The following GOLM1 variants were observed in gnomAD, a reference collection of about 807,000 sequenced individuals.
GOLM1 encodes the protein epididymis luminal protein 46.
A neutral mutation model predicts 50.5 loss-of-function variants in GOLM1; 31 were observed. The observed-to-expected ratio is 0.61, with a 90% CI of 0.46 to 0.83. The LOEUF is 0.83. Among genes scored for constraint, GOLM1 ranks in the 40% least tolerant of loss-of-function variants. GOLM1 has a pLI of 0.00. For synonymous variants in GOLM1, 178 were observed against 192.8 expected, an observed-to-expected ratio of 0.92 and a Z score of 0.64; for missense variants, 491 against 501.3, an observed-to-expected ratio of 0.98 and a Z score of 0.20.
chr9:86,089,536 G>A (rs575309242), intron 1 of GOLM1, among the ~76,000 whole-genome samples: 3 of 151,646 alleles, frequency 2.0e-5, no homozygotes, highest in Admixed American at 6.6e-5. Flanking sequence ...CCTTTCTTCC[G>A]CTTGACCGAT....
At chr9:86,048,285 T>G (rs1388331132) in intron 4 of GOLM1, among the ~76,000 whole-genome samples, 1 of 152,068 alleles carries the variant, frequency 6.6e-6, no homozygotes, top group Non-Finnish European at 1.5e-5. Context: ...GTTGGACATT[T>G]GGGTTGATTC....
chr9:86,084,397 G>C (rs929345633), intron 1 of GOLM1, among the ~76,000 whole-genome samples: 15 of 152,228 alleles, frequency 9.9e-5, no homozygotes, highest in African/African-American at 3.6e-4. Context: ...CATACCCCCT[G>C]ATATGGTGCA....
intron 6 of GOLM1, 42 bp downstream of exon 6, chr9:86,040,697 G>A: frequency 1.3e-6 from 2 of 1,586,774 alleles, no homozygotes; most frequent in Non-Finnish European, 1.7e-6. Context: ...CCTGAAGATA[G>A]GGGTACCTTC....
intron 4 of GOLM1, 88 bp from the exon 5 acceptor site, chr9:86,046,660 T>A: frequency 1.3e-6 from 1 of 782,952 alleles, no homozygotes; most frequent in East Asian, 2.7e-5. Context: ...GACTCACACA[T>A]CAGACCATAA....
intron 7 of GOLM1, 43 bp downstream of exon 7, chr9:86,036,305 C>T (rs756228101): frequency 3.7e-6 from 6 of 1,605,632 alleles, no homozygotes; most frequent in Non-Finnish European, 5.1e-6. Context: ...TCTGATGGGG[C>T]TCTGGAGAGC....
chr9:86,029,104 G>A (rs1416153286), intron 9 of GOLM1, among the ~76,000 whole-genome samples: 12 of 152,136 alleles, frequency 7.9e-5, no homozygotes, highest in East Asian at 3.9e-4. Context: ...TGATCCGCCC[G>A]CCTTGGCCTC....
At chr9:86,084,491 C>T (rs928285201) in intron 1 of GOLM1, among the ~76,000 whole-genome samples, 3 of 152,058 alleles carry the variant, frequency 2.0e-5, no homozygotes, top group Admixed American at 6.6e-5. Flanking sequence ...AGGAAGTCAA[C>T]GCGTCAGACA....
intron 1 of GOLM1, chr9:86,079,979 C>A: frequency 6.6e-6 from 1 of 152,248 alleles, no homozygotes. Flanking sequence ...CAGGCACAGC[C>A]CTGGCTATAG....
rs186062293 is a variant in GOLM1, at chr9:86,087,281, T to C, written c.-21-7940A>G. Among the ~76,000 whole-genome samples, 13 of 152,332 alleles carry C rather than the reference T, an allele frequency of 8.5e-5. No individual in the cohort carries two copies. The East Asian group carries it at 1.9e-3, about 23-fold the overall frequency. The stretch of plus-strand genomic sequence containing the variant: ...TAGTGTATAGGAATGCTTGTGATTT[T>C]TGCACATTGATTTTGTATCCTGAGA... On this transcript the variant is annotated intron_variant, in intron 1 of 9. Transcript: ENST00000388712.
intron 3 of GOLM1, among the ~76,000 whole-genome samples, chr9:86,056,498 ATTTAAATTTTTTTTTTTTTTTTTTTTG>A (rs1311460547): frequency 7.5e-6 from 1 of 134,100 alleles, no homozygotes; most frequent in African/African-American, 2.8e-5. Flanking sequence ...TTTATTTTTT[ATTTAAATTTTTTTTTTTTTTTTTTTTG>A]AGACGAAGTC....
intron 4 of GOLM1, among the ~76,000 whole-genome samples, chr9:86,047,061 C>T (rs1228286636): frequency 6.6e-6 from 1 of 152,212 alleles, no homozygotes; most frequent in Non-Finnish European, 1.5e-5. Flanking sequence ...CTGCCAGCAT[C>T]CTCCCTCGTC....
chr9:86,040,221 T>C (rs1198679066), intron 6 of GOLM1, among the ~76,000 whole-genome samples: 2 of 152,190 alleles, frequency 1.3e-5, no homozygotes, highest in African/African-American at 4.8e-5. Flanking sequence ...AAATTTTCTA[T>C]GGGTGAATCA....
intron 1 of GOLM1, among the ~76,000 whole-genome samples, chr9:86,082,219 G>A (rs1179814990): frequency 1.3e-5 from 2 of 151,392 alleles, no homozygotes; most frequent in Admixed American, 6.6e-5. Context: ...TAGTAGAGAC[G>A]AAGTTCCCCC....
In GOLM1 at chr9:86,043,189, A is replaced by G. The variant is rs7020131; in HGVS notation, c.468-2321T>C. 5.1e-3 allele frequency among the ~76,000 whole-genome samples: 772 copies of G among 152,316 alleles called. 4 individuals carry two copies. Among genetic ancestry groups the G allele is most frequent in the African/African-American group, 0.018 (737 of 41,576 alleles). On this transcript the variant is annotated intron_variant, in intron 5 of 9. Transcript: ENST00000388712. The stretch of plus-strand genomic sequence containing the variant: ...AGGGAGATGAGATGGCGAGCGGTTC[A>G]TCTCATGTGCTGACTCCAGGTGCTT...
chr9:86,055,070 G>A (rs1163951639), intron 3 of GOLM1, among the ~76,000 whole-genome samples: 1 of 152,156 alleles, frequency 6.6e-6, no homozygotes, highest in Admixed American at 6.5e-5. Flanking sequence ...CAGAAACAAG[G>A]CTTAGGCAAA....
chr9:86,046,037 A>C (rs938671854), intron 5 of GOLM1, among the ~76,000 whole-genome samples: 1 of 152,162 alleles, frequency 6.6e-6, no homozygotes, highest in African/African-American at 2.4e-5. Context: ...TTCCATTCTC[A>C]CTGTAAAAAT....
chr9:86,043,682 G>T lies in GOLM1; in HGVS notation c.467+2788C>A, dbSNP rs115917951. ...GGGCACAAGTAGTGAAATAGGCACA[G>T]TCAGCCAGAAAGAGCTTTCAATCTA... On this transcript the variant is annotated intron_variant, in intron 5 of 9. Transcript: ENST00000388712. 4.9e-3 allele frequency among the ~76,000 whole-genome samples: 749 copies of T among 152,324 alleles called. 4 individuals carry two copies. The highest frequency in any genetic ancestry group is 0.017 in the African/African-American group (716 of 41,560).
At chr9:86,049,767 C>G (rs927697839) in intron 4 of GOLM1, among the ~76,000 whole-genome samples, 3 of 152,196 alleles carry the variant, frequency 2.0e-5, no homozygotes, top group African/African-American at 7.2e-5. Context: ...AGATTTTGAG[C>G]TGAGACAATG....
At chr9:86,044,976 A>G (rs1223260960) in intron 5 of GOLM1, among the ~76,000 whole-genome samples, 1 of 151,924 alleles carries the variant, frequency 6.6e-6, no homozygotes, top group African/African-American at 2.4e-5. Context: ...GGCTATAGCT[A>G]ATGTGTTGTC....
Sources: gnomAD v4.1 joint callset for allele counts (sites outside exome capture counted in the v4.1 genomes callset) on GRCh38, gnomAD v4.1.1 for gene constraint, MANE v1.5 for transcripts, NCBI Gene and HGNC (gene_info 2026-07-23, HGNC 2026-07-21) for gene names.